Variants in PACRG observed in about 807,000 individuals in gnomAD.
PACRG encodes the protein parkin coregulated.
PACRG carries 29 observed loss-of-function variants against 29.7 expected under a neutral mutation model. The observed-to-expected ratio is 0.98, with a 90% CI of 0.73 to 1.33. The LOEUF (loss-of-function observed/expected upper bound fraction) is 1.33. Ranked by LOEUF, PACRG falls within the 40% of genes most tolerant of loss-of-function variation. PACRG has a pLI of 0.00. For missense variants in PACRG, 279 were observed against 316.2 expected (o/e 0.88, Z 0.89); for synonymous variants, 116 against 118.7 (o/e 0.98, Z 0.15).
chr6:162,771,081 A>G (rs111792559), intron 1 of PACRG, among the ~76,000 whole-genome samples: 7 of 152,328 alleles, frequency 4.6e-5, no homozygotes, highest in African/African-American at 1.7e-4. Context: ...TAATATTCAT[A>G]GAATACAAAC....
intron 2 of PACRG, among the ~76,000 whole-genome samples, chr6:162,969,605 C>T (rs528736931): frequency 5.3e-5 from 8 of 152,254 alleles, no homozygotes; most frequent in African/African-American, 1.4e-4. Context: ...CTTCCTGGCC[C>T]CTGTCTGCCC....
chr6:162,747,978 G>T (rs1026352581), intron 1 of PACRG, among the ~76,000 whole-genome samples: 2 of 152,116 alleles, frequency 1.3e-5, no homozygotes, highest in Non-Finnish European at 2.9e-5. Context: ...AATGATTTCA[G>T]ACTGCTGTGC....
intron 4 of PACRG, among the ~76,000 whole-genome samples, chr6:163,135,167 T>A (rs868043057): frequency 6.6e-6 from 1 of 151,594 alleles, no homozygotes; most frequent in South Asian, 2.1e-4. Context: ...TATTTCTACA[T>A]GTGATTCTAG....
At chr6:163,208,239 C>T (rs1035762386) in intron 4 of PACRG, among the ~76,000 whole-genome samples, 46 of 152,066 alleles carry the variant, frequency 3.0e-4, no homozygotes, top group African/African-American at 1.1e-3. Flanking sequence ...GAACTGAAAC[C>T]ACTTTTATTC....
intron 3 of PACRG, among the ~76,000 whole-genome samples, chr6:163,086,425 T>C (rs531488957): frequency 6.6e-6 from 1 of 152,196 alleles, no homozygotes; most frequent in Non-Finnish European, 1.5e-5. Context: ...TGTCCTGCAG[T>C]GTGTCTAACT....
At chr6:163,111,997 T>C in intron 4 of PACRG, 1 of 898,290 alleles carries the variant, frequency 1.1e-6, no homozygotes, top group Non-Finnish European at 1.3e-6. Flanking sequence ...TCTGATAATC[T>C]AGGTTTTCAC....
chr6:162,810,661 A>G (rs1786776666), intron 1 of PACRG, among the ~76,000 whole-genome samples: 1 of 152,234 alleles, frequency 6.6e-6, no homozygotes, highest in Admixed American at 6.5e-5. Flanking sequence ...AAATAAAAGC[A>G]TATTTGGGCT....
At chr6:163,101,576 A>C in intron 4 of PACRG, 1 of 296,126 alleles carries the variant, frequency 3.4e-6, no homozygotes, top group Non-Finnish European at 5.0e-6. Context: ...TACCTTTTCT[A>C]TTTTTTTGAT....
chr6:163,120,151 A>G (rs1816199626), intron 4 of PACRG, among the ~76,000 whole-genome samples: 1 of 152,164 alleles, frequency 6.6e-6, no homozygotes, highest in Non-Finnish European at 1.5e-5. Flanking sequence ...TCTAGGATGA[A>G]TTATATGAAA....
At chr6:162,803,241 C>G (rs532015776) in intron 1 of PACRG, among the ~76,000 whole-genome samples, 1 of 152,086 alleles carries the variant, frequency 6.6e-6, no homozygotes, top group East Asian at 1.9e-4. Flanking sequence ...AGTGAGGGCA[C>G]GAGGGAGAAT....
intron 2 of PACRG, among the ~76,000 whole-genome samples, chr6:162,932,589 A>G (rs939941190): frequency 6.6e-6 from 1 of 151,876 alleles, no homozygotes; most frequent in African/African-American, 2.4e-5. Flanking sequence ...GAAATTTTCC[A>G]TTTCTTCATG....
chr6:163,166,345 G>A (rs544777991), intron 4 of PACRG: 1 of 390,302 alleles, frequency 2.6e-6, no homozygotes, highest in African/African-American at 2.1e-5. Context: ...TTTGTTAATT[G>A]GTATATTGAT....
chr6:162,863,156 C>T (rs952112953), intron 2 of PACRG, among the ~76,000 whole-genome samples: 3 of 152,164 alleles, frequency 2.0e-5, no homozygotes, highest in East Asian at 1.9e-4. Context: ...GGGCTTCAGC[C>T]GTCTGCGTGC....
intron 2 of PACRG, among the ~76,000 whole-genome samples, chr6:162,963,456 A>C (rs1259700885): frequency 2.6e-5 from 4 of 151,962 alleles, no homozygotes; most frequent in Admixed American, 6.6e-5. Flanking sequence ...GACATAGAAT[A>C]AAACAGAAGT....
intron 2 of PACRG, among the ~76,000 whole-genome samples, chr6:162,826,431 A>G (rs1788282249): frequency 6.6e-6 from 1 of 151,408 alleles, no homozygotes; most frequent in African/African-American, 2.4e-5. Context: ...TTCCTATTTC[A>G]GTACTGGAGT....
intron 2 of PACRG, among the ~76,000 whole-genome samples, chr6:163,041,720 C>G (rs184415471): frequency 6.6e-6 from 1 of 152,202 alleles, no homozygotes; most frequent in Non-Finnish European, 1.5e-5. Context: ...CAACCATATA[C>G]TCGAGTATTT....
At chr6:162,816,531 T>C (rs945731424) in intron 2 of PACRG, among the ~76,000 whole-genome samples, 5 of 152,048 alleles carry the variant, frequency 3.3e-5, no homozygotes, top group Admixed American at 2.0e-4. Flanking sequence ...TTTTTGTATT[T>C]TTAGTAGAGA....
chr6:162,766,875 T>C (rs770960553), intron 1 of PACRG, among the ~76,000 whole-genome samples: 1 of 152,126 alleles, frequency 6.6e-6, no homozygotes, highest in African/African-American at 2.4e-5. Context: ...TAAATTTCCT[T>C]CTAAGTACTG....
At chr6:163,311,660 C>G (rs1212890956) in intron 4 of PACRG, among the ~76,000 whole-genome samples, 4 of 152,126 alleles carry the variant, frequency 2.6e-5, no homozygotes. Context: ...TTTTTTCTAC[C>G]CCAATGATAC....
Sources: allele counts gnomAD v4.1 joint callset (sites outside exome capture counted in the v4.1 genomes callset), GRCh38; gene constraint gnomAD v4.1.1; transcripts MANE v1.5; gene names NCBI Gene and HGNC (gene_info 2026-07-23, HGNC 2026-07-21).